The following ADGRB3 variants were observed in gnomAD, a reference collection of about 807,000 sequenced individuals.
The protein encoded by ADGRB3 is brain-specific angiogenesis inhibitor 3.
Under a neutral mutation model 193.4 loss-of-function variants are expected in ADGRB3, and 37 were observed. The ratio of observed to expected loss-of-function variants is 0.19; its 90% CI spans 0.15 to 0.25. The LOEUF (loss-of-function observed/expected upper bound fraction) is 0.25. ADGRB3 is among the 10% of genes least tolerant of loss of function. The pLI, the probability that ADGRB3 is intolerant of heterozygous loss-of-function variation, is 1.00. For synonymous variants in ADGRB3, 690 were observed against 644.2 expected (o/e 1.07, Z -1.08); for missense variants, 1,637 against 1,852.9 (o/e 0.88, Z 2.14).
At chr6:69,057,059 G>C (rs1405774342) in intron 15 of ADGRB3, among the ~76,000 whole-genome samples, 1 of 151,910 alleles carries the variant, frequency 6.6e-6, no homozygotes, top group Admixed American at 6.6e-5. Context: ...CCATTTATCT[G>C]TCTCTTCCTT....
chr6:68,791,947 A>G (rs1214660159), intron 3 of ADGRB3, among the ~76,000 whole-genome samples: 1 of 152,184 alleles, frequency 6.6e-6, no homozygotes, highest in East Asian at 1.9e-4. Flanking sequence ...AAATCTATGA[A>G]GGTTAATGCA....
chr6:69,226,540 T>C (rs2127253253), intron 17 of ADGRB3, among the ~76,000 whole-genome samples: 1 of 152,346 alleles, frequency 6.6e-6, no homozygotes, highest in South Asian at 2.1e-4. Context: ...TCAGCTGTGA[T>C]AGGTGCAATG....
chr6:69,144,091 T>G (rs1224617803), intron 17 of ADGRB3, among the ~76,000 whole-genome samples: 2 of 152,192 alleles, frequency 1.3e-5, no homozygotes, highest in African/African-American at 4.8e-5. Flanking sequence ...TTATTGAAAT[T>G]ATTTGCTTCT....
At chr6:69,293,077 T>G (rs1221239177) in intron 20 of ADGRB3, among the ~76,000 whole-genome samples, 1 of 152,216 alleles carries the variant, frequency 6.6e-6, no homozygotes. Flanking sequence ...TGCTGGACTT[T>G]GGCCAACTTG....
chr6:69,012,657 A>G (rs985061631), intron 11 of ADGRB3, among the ~76,000 whole-genome samples: 1 of 152,108 alleles, frequency 6.6e-6, no homozygotes, highest in African/African-American at 2.4e-5. Flanking sequence ...ACTTTTATAG[A>G]GGTTATGACT....
chr6:69,100,788 TAGAC>T (rs1229324878), intron 17 of ADGRB3, among the ~76,000 whole-genome samples: 1 of 84,806 alleles, frequency 1.2e-5, no homozygotes, highest in Admixed American at 1.6e-4. Flanking sequence ...GTAGATTTAA[TAGAC>T]GGAAGGAAAA....
At chr6:69,232,520 G>A in intron 17 of ADGRB3, 1 of 1,535,622 alleles carries the variant, frequency 6.5e-7, no homozygotes, top group East Asian at 2.4e-5. Context: ...TAGCGGACTT[G>A]GGGTTAGCTT....
rs558635250 is a variant in ADGRB3 at position 69,250,554 on chromosome 6, G to A, written c.2814+11328G>A. Reference sequence around the variant, plus strand: ...TTTATAATCCTCACCATTTCTACAAGTCAGGAATTTAGGAGAAATGTAGCT... The same window carrying A: ...TTTATAATCCTCACCATTTCTACAAATCAGGAATTTAGGAGAAATGTAGCT... On this transcript the variant is annotated intron_variant, in intron 20 of 31. Coordinates refer to ENST00000370598, the MANE Select transcript of ADGRB3 (RefSeq NM_001704.3). 4.7e-4 allele frequency among the ~76,000 whole-genome samples: 71 copies of A among 152,242 alleles called. No homozygotes were observed. In the Middle Eastern group the frequency reaches 0.01, roughly 22 times the overall value.
At chr6:68,965,136 G>A (rs904588381) in intron 8 of ADGRB3, among the ~76,000 whole-genome samples, 1 of 152,178 alleles carries the variant, frequency 6.6e-6, no homozygotes, top group Non-Finnish European at 1.5e-5. Flanking sequence ...ATAATGTTAT[G>A]TAAATATTGC....
rs1434538082 is a variant in ADGRB3 at position 69,344,996 on chromosome 6, T to C, written c.3459+5492T>C. On this transcript the variant is annotated intron_variant, in intron 26 of 31. Transcript: ENST00000370598. ...ATTATGTGATCCTGGACCCTAGTGA[T>C]TTTTTTTTTTTTTAGAAAGCTATGA... Among the ~76,000 whole-genome samples, 3 of 140,488 alleles carry C rather than the reference T, an allele frequency of 2.1e-5. No homozygotes were observed. In the East Asian group the frequency reaches 6.1e-4, roughly 28 times the overall value. 92.2% of individuals were successfully genotyped at this position (140,488 alleles called of 152,430 possible). A position where few individuals can be genotyped will look rare whatever the true frequency, so the allele number is the denominator to read the frequency against.
chr6:68,926,053 C>G (rs1391510204), intron 3 of ADGRB3, among the ~76,000 whole-genome samples: 2 of 152,006 alleles, frequency 1.3e-5, no homozygotes, highest in Non-Finnish European at 2.9e-5. Flanking sequence ...AAGTACTTCA[C>G]AGATAATTTT....
At chr6:68,819,993 A>G (rs1413259465) in intron 3 of ADGRB3, among the ~76,000 whole-genome samples, 5 of 152,016 alleles carry the variant, frequency 3.3e-5, no homozygotes, top group South Asian at 4.1e-4. Context: ...AATCTTGCCT[A>G]TGTCTCTGCC....
intron 3 of ADGRB3, among the ~76,000 whole-genome samples, chr6:68,843,443 A>T (rs1023096593): frequency 1.3e-5 from 2 of 152,028 alleles, no homozygotes. Flanking sequence ...AAATAAAATT[A>T]AATGCCTAGA....
chr6:69,039,887 G>A (rs1431501181), intron 13 of ADGRB3, among the ~76,000 whole-genome samples: 22 of 151,516 alleles, frequency 1.5e-4, no homozygotes, highest in South Asian at 2.1e-4. Flanking sequence ...GACTACAGGC[G>A]CGTGCCACCA....
At chr6:69,296,456 T>C (rs1767819805) in intron 20 of ADGRB3, among the ~76,000 whole-genome samples, 1 of 152,116 alleles carries the variant, frequency 6.6e-6, no homozygotes, top group South Asian at 2.1e-4. Context: ...ATTTTTCTAG[T>C]GTTAATATGA....
At chr6:68,882,156 G>A (rs1765750648) in intron 3 of ADGRB3, among the ~76,000 whole-genome samples, 1 of 152,078 alleles carries the variant, frequency 6.6e-6, no homozygotes, top group African/African-American at 2.4e-5. Flanking sequence ...TTCTAAACCT[G>A]GGACATAATA....
intron 17 of ADGRB3, among the ~76,000 whole-genome samples, chr6:69,150,170 A>G (rs1774632391): frequency 6.6e-6 from 1 of 152,110 alleles, no homozygotes; most frequent in South Asian, 2.1e-4. Context: ...GAAGCCAGTC[A>G]TGTTTGTATC....
Position 68,789,251 on chromosome 6 carries a change from G to A in ADGRB3, c.758-141308G>A, listed in dbSNP as rs548031971. On this transcript the variant is annotated intron_variant, in intron 3 of 31. Transcript: ENST00000370598. ...GTTGATGCAGTTTCTTCCTAGCCTT[G>A]ATGGTCTTTACAATTTGGCATGTTT... Among the ~76,000 whole-genome samples the A allele has an allele frequency of 3.3e-3, 495 of 152,236 alleles. 4 individuals carry two copies. The highest frequency in any genetic ancestry group is 0.011 in the African/African-American group (472 of 41,526).
intron 17 of ADGRB3, among the ~76,000 whole-genome samples, chr6:69,149,968 GT>G (rs1774625913): frequency 1.4e-5 from 2 of 141,322 alleles, no homozygotes; most frequent in Non-Finnish European, 3.2e-5. Flanking sequence ...GTGTGTGTGT[GT>G]GTGTGTTGAG....
Sources: allele counts gnomAD v4.1 joint callset (sites outside exome capture counted in the v4.1 genomes callset), GRCh38; gene constraint gnomAD v4.1.1; transcripts MANE v1.5; gene names NCBI Gene and HGNC (gene_info 2026-07-23, HGNC 2026-07-21).